SLC27A6: variants seen among roughly 807,000 people sequenced by gnomAD.
The protein encoded by SLC27A6 is long-chain fatty acid transport protein 6.
SLC27A6 carries 74 observed loss-of-function variants against 63.9 expected under a neutral mutation model. The ratio of observed to expected loss-of-function variants is 1.16; its 90% CI spans 0.96 to 1.40. The LOEUF (loss-of-function observed/expected upper bound fraction) is 1.40. Ranked by LOEUF, SLC27A6 falls within the 40% of genes most tolerant of loss-of-function variation. SLC27A6 has a pLI of 0.00. For missense variants in SLC27A6, 794 were observed against 732.9 expected (o/e 1.08, Z -0.96); for synonymous variants, 287 against 260.8 (o/e 1.10, Z -0.97).
chr5:129,001,485 T>C (rs1392810678), intron 4 of SLC27A6, among the ~76,000 whole-genome samples: 2 of 152,164 alleles, frequency 1.3e-5, no homozygotes, highest in Non-Finnish European at 2.9e-5. Flanking sequence ...GTGTGACACA[T>C]GTATATATAT....
intron 4 of SLC27A6, among the ~76,000 whole-genome samples, chr5:129,015,080 C>A (rs1233686304): frequency 6.6e-6 from 1 of 152,058 alleles, no homozygotes; most frequent in East Asian, 1.9e-4. Flanking sequence ...ATTATTACAT[C>A]TTGTTATTTT....
In SLC27A6 at chr5:128,970,875, G is replaced by C. The variant is rs147086327; in HGVS notation, c.481+4257G>C. 8.4e-3 allele frequency among the ~76,000 whole-genome samples: 1,279 copies of C among 151,640 alleles called. 11 individuals carry two copies. The highest frequency in any genetic ancestry group is 0.013 in the Non-Finnish European group (883 of 67,838). ...AGGGTGTCAATTTTAGATCTTTCCT[G>C]CTTTCTCTTGTGGGCATTTAGTGCT... On this transcript the variant is annotated intron_variant, in intron 1 of 9. Transcript: ENST00000262462.
chr5:128,968,653 C>G (rs1283939858), intron 1 of SLC27A6, among the ~76,000 whole-genome samples: 5 of 152,044 alleles, frequency 3.3e-5, no homozygotes, highest in East Asian at 1.9e-4. Context: ...TTTGTAGATT[C>G]TAGATATTAG....
At chr5:129,032,190 G>T (rs996927422) in intron 9 of SLC27A6, among the ~76,000 whole-genome samples, 3 of 152,060 alleles carry the variant, frequency 2.0e-5, no homozygotes, top group East Asian at 3.9e-4. Context: ...CTAAACATTT[G>T]TTTATTCACT....
intron 9 of SLC27A6, 122 bp from the exon 10 acceptor site, chr5:129,032,983 GA>G: frequency 4.0e-6 from 2 of 505,182 alleles, no homozygotes; most frequent in Admixed American, 4.2e-5. Context: ...TAAATTATTA[GA>G]AAATACAGAG....
rs1317764938 is a variant in SLC27A6, at chr5:129,015,869, C to T, written c.970-16C>T. On this transcript the variant is annotated splice_polypyrimidine_tract_variant and intron_variant, in intron 4 of 9. Transcript: ENST00000262462. The stretch of plus-strand genomic sequence containing the variant: ...AAACTGGAACTAATTACAAGTAAAA[C>T]ATTTTCTTCTAACAGAGAGAAGGAG... 3.2e-6 allele frequency: 5 copies of T among 1,541,048 alleles called. No homozygotes were observed. The highest frequency in any genetic ancestry group is 2.3e-5 in the Admixed American group (1 of 44,346).
chr5:129,010,761 T>A (rs1395045039), intron 4 of SLC27A6, among the ~76,000 whole-genome samples: 1 of 152,030 alleles, frequency 6.6e-6, no homozygotes, highest in African/African-American at 2.4e-5. Flanking sequence ...TCCTACACCC[T>A]CCAGAAACTT....
At position 129,033,102 on chromosome 5, in the gene SLC27A6, A is replaced by G. The variant is rs1030146822; in HGVS notation, c.1684-4A>G. 5.6e-6 allele frequency: 9 copies of G among 1,600,242 alleles called. No individual in the cohort carries two copies. Among genetic ancestry groups the G allele is most frequent in the Non-Finnish European group, 6.0e-6 (7 of 1,172,486 alleles). ...TTCTACTCATCCTGGTAATTGCTTTACAGGAAAAAATGGAAGCAACAGGAA... is the reference window on the plus strand; with the variant it reads ...TTCTACTCATCCTGGTAATTGCTTTGCAGGAAAAAATGGAAGCAACAGGAA... On this transcript the variant is annotated splice_polypyrimidine_tract_variant and splice_region_variant and intron_variant, in intron 9 of 9. Transcript: ENST00000262462.
At chr5:129,013,116 T>G (rs1326811053) in intron 4 of SLC27A6, among the ~76,000 whole-genome samples, 2 of 152,122 alleles carry the variant, frequency 1.3e-5, no homozygotes, top group East Asian at 3.9e-4. Flanking sequence ...TATTTAAGTA[T>G]TTTTCTTTGA....
chr5:129,023,739 C>A, intron 6 of SLC27A6, 29 bp downstream of exon 6: 2 of 1,505,478 alleles, frequency 1.3e-6, no homozygotes, highest in South Asian at 1.1e-5. Context: ...GACATCTCCT[C>A]AAGCAAAGTT....
At chr5:128,971,039 T>G (rs1485186068) in intron 1 of SLC27A6, among the ~76,000 whole-genome samples, 1 of 152,192 alleles carries the variant, frequency 6.6e-6, no homozygotes, top group African/African-American at 2.4e-5. Flanking sequence ...CAGGAGCAGG[T>G]TGTTCAGTTT....
At chr5:128,976,442 A>T (rs1235787994) in intron 1 of SLC27A6, among the ~76,000 whole-genome samples, 2 of 152,202 alleles carry the variant, frequency 1.3e-5, no homozygotes, top group Non-Finnish European at 2.9e-5. Context: ...TGAACCTGGG[A>T]GGCGGAGTTT....
intron 1 of SLC27A6, among the ~76,000 whole-genome samples, chr5:128,979,083 C>A (rs995555752): frequency 6.6e-6 from 1 of 151,808 alleles, no homozygotes; most frequent in South Asian, 2.1e-4. Flanking sequence ...AACAGAATAC[C>A]AGGATCATAA....
At chr5:128,970,653 T>C (rs1484540071) in intron 1 of SLC27A6, among the ~76,000 whole-genome samples, 1 of 152,148 alleles carries the variant, frequency 6.6e-6, no homozygotes, top group African/African-American at 2.4e-5. Context: ...CTCTCTTTTC[T>C]TCTTTATTAG....
chr5:128,992,093 GA>G (rs1751002953), intron 4 of SLC27A6, among the ~76,000 whole-genome samples: 1 of 150,768 alleles, frequency 6.6e-6, no homozygotes, highest in South Asian at 2.1e-4. Flanking sequence ...GCCCCTTCAA[GA>G]ATGACAATAG....
Position 129,006,071 on chromosome 5 carries a change from G to GTTTTTTTTTTTTTTTTTTTTTTTTT in SLC27A6, c.970-9813_970-9789dup, listed in dbSNP as rs4068575. 2.3e-3 allele frequency among the ~76,000 whole-genome samples: 140 copies of GTTTTTTTTTTTTTTTTTTTTTTTTT among 60,140 alleles called. 36 individuals carry two copies. The highest frequency in any genetic ancestry group is 5.1e-3 in the South Asian group (5 of 990). The allele number at this position is 60,140 out of a possible 152,430, so 39.5% of individuals were successfully genotyped here. A position where few individuals can be genotyped will look rare whatever the true frequency, so the allele number is the denominator to read the frequency against. On this transcript the variant is annotated intron_variant, in intron 4 of 9. Transcript: ENST00000262462. Reference sequence around the variant, plus strand: ...TAAAATTTTCATTCCTGTGCACACTGTTTTTTTTTTTTTTTTTTTTTTTTT... The same window carrying GTTTTTTTTTTTTTTTTTTTTTTTTT: ...TAAAATTTTCATTCCTGTGCACACTGTTTTTTTTTTTTTTTTTTTTTTTTTTTTTTTTTTTTTTTTTTTTTTTTTT...
At position 128,990,423 on chromosome 5, in the gene SLC27A6, T is replaced by C; in HGVS notation, c.928T>C (p.Tyr310His). The C allele has an allele frequency of 6.2e-7, 1 of 1,613,806 alleles. No homozygotes were observed. The highest frequency in any genetic ancestry group is 1.1e-5 in the South Asian group (1 of 90,936). Residue 310 changes from tyrosine (Y) to histidine (H), a missense_variant, in exon 4 of 10, where the codon TAT becomes CAT. Coordinates refer to ENST00000262462, the MANE Select transcript of SLC27A6 (RefSeq NM_001017372.3). ...GAAGTATGATGTGACTGTGTTTCAGTATATTGGAGAACTTTGTCGCTACCT... is the reference window on the plus strand; with the variant it reads ...GAAGTATGATGTGACTGTGTTTCAGCATATTGGAGAACTTTGTCGCTACCT... Reference protein sequence around the residue: ...CKKYDVTVFQYIGELCRYLCK... With the variant: ...CKKYDVTVFQHIGELCRYLCK...
At chr5:129,011,570 T>TA (rs1751728450) in intron 4 of SLC27A6, among the ~76,000 whole-genome samples, 2 of 152,158 alleles carry the variant, frequency 1.3e-5, no homozygotes, top group African/African-American at 4.8e-5. Context: ...AGAATGAACT[T>TA]AAATAGATTT....
intron 5 of SLC27A6, among the ~76,000 whole-genome samples, chr5:129,021,886 G>T (rs770580710): frequency 6.6e-6 from 1 of 152,040 alleles, no homozygotes; most frequent in Admixed American, 6.6e-5. Context: ...AATTTGCTGT[G>T]GAATGAATCT....
Sources: allele counts gnomAD v4.1 joint callset (sites outside exome capture counted in the v4.1 genomes callset), GRCh38; gene constraint gnomAD v4.1.1; transcripts MANE v1.5; gene names NCBI Gene and HGNC (gene_info 2026-07-23, HGNC 2026-07-21).